The following KIAA1217 variants were observed in gnomAD, a reference collection of about 807,000 sequenced individuals.
KIAA1217 encodes KIAA1217.
In KIAA1217, 88 loss-of-function variants were observed where a neutral mutation model predicts 163.9. The observed-to-expected ratio is 0.54, with a 90% confidence interval of 0.45 to 0.64. The LOEUF (loss-of-function observed/expected upper bound fraction) is 0.64. Ranked by LOEUF, KIAA1217 falls within the 30% of genes least tolerant of loss-of-function variation. The pLI is 0.00. For synonymous variants in KIAA1217, 903 were observed against 923.1 expected (o/e 0.98, Z 0.39); for missense variants, 2,372 against 2,475.0 (o/e 0.96, Z 0.88).
intron 3 of KIAA1217, among the ~76,000 whole-genome samples, chr10:24,427,780 GAA>G (rs769588664): frequency 2.0e-5 from 3 of 152,220 alleles, no homozygotes; most frequent in Non-Finnish European, 4.4e-5. Context: ...AAAGCATGCG[GAA>G]TCTCTAGAAA....
chr10:24,423,704 C>T (rs749835482), intron 3 of KIAA1217, among the ~76,000 whole-genome samples: 4 of 152,090 alleles, frequency 2.6e-5, no homozygotes, highest in African/African-American at 4.8e-5. Context: ...GTGATCTGCC[C>T]ACCTCAGTTT....
At chr10:24,027,845 G>A (rs1848029733) in intron 2 of KIAA1217, among the ~76,000 whole-genome samples, 1 of 152,098 alleles carries the variant, frequency 6.6e-6, no homozygotes, top group African/African-American at 2.4e-5. Flanking sequence ...CAGAAATCAT[G>A]ATTTATAATG....
intron 14 of KIAA1217, among the ~76,000 whole-genome samples, chr10:24,529,567 C>T (rs1001555305): frequency 8.6e-5 from 13 of 152,034 alleles, no homozygotes; most frequent in African/African-American, 3.1e-4. Flanking sequence ...AGAGGACCAA[C>T]TGCACTTGTC....
chr10:24,099,129 T>C (rs775752884), intron 2 of KIAA1217, among the ~76,000 whole-genome samples: 26 of 152,156 alleles, frequency 1.7e-4, no homozygotes, highest in Non-Finnish European at 3.5e-4. Flanking sequence ...CAGGAAGAAG[T>C]TGGGAAGGCC....
chr10:24,270,519 A>G (rs1241554207), intron 2 of KIAA1217, among the ~76,000 whole-genome samples: 5 of 152,200 alleles, frequency 3.3e-5, no homozygotes, highest in Admixed American at 3.3e-4. Context: ...ACAGCAATCG[A>G]TTAAGCTATT....
At chr10:23,842,936 T>G (rs1838856665) in intron 1 of KIAA1217, among the ~76,000 whole-genome samples, 1 of 152,186 alleles carries the variant, frequency 6.6e-6, no homozygotes, top group Admixed American at 6.6e-5. Flanking sequence ...CAAGAAATGT[T>G]TATTTCTGAC....
intron 1 of KIAA1217, among the ~76,000 whole-genome samples, chr10:23,892,646 GCA>G (rs1379641763): frequency 6.6e-6 from 1 of 151,870 alleles, no homozygotes; most frequent in African/African-American, 2.4e-5. Context: ...TGGAAAATTT[GCA>G]CAGTGTAGCT....
intron 1 of KIAA1217, among the ~76,000 whole-genome samples, chr10:23,797,253 G>A (rs988954438): frequency 6.6e-6 from 1 of 152,126 alleles, no homozygotes; most frequent in African/African-American, 2.4e-5. Flanking sequence ...TGGTGATAGG[G>A]ATGTGCTTAT....
chr10:24,538,151 A>G (rs749549317), intron 17 of KIAA1217, among the ~76,000 whole-genome samples: 1 of 152,194 alleles, frequency 6.6e-6, no homozygotes, highest in Non-Finnish European at 1.5e-5. Context: ...TAGATGTAGT[A>G]TCACAAAACT....
chr10:24,014,946 C>T (rs867122696), intron 2 of KIAA1217, among the ~76,000 whole-genome samples: 5 of 151,428 alleles, frequency 3.3e-5, no homozygotes, highest in East Asian at 3.9e-4. Context: ...ATAATATCTT[C>T]GATCAAAAAT....
upstream of KIAA1217, among the ~76,000 whole-genome samples, chr10:24,208,596 T>G (rs2067700689): frequency 9.9e-6 from 1 of 101,264 alleles, no homozygotes; most frequent in Non-Finnish European, 2.0e-5. Context: ...ACTCTTTCTT[T>G]CAAATTGTTT....
At chr10:24,161,235 A>G (rs1478860868) in intron 2 of KIAA1217, among the ~76,000 whole-genome samples, 1 of 152,224 alleles carries the variant, frequency 6.6e-6, no homozygotes, top group Non-Finnish European at 1.5e-5. Context: ...CCTTCGCCAT[A>G]AAATGTTAAG....
At chr10:24,009,099 G>T (rs1847135684) in intron 2 of KIAA1217, among the ~76,000 whole-genome samples, 3 of 152,158 alleles carry the variant, frequency 2.0e-5, no homozygotes, top group Admixed American at 2.0e-4. Flanking sequence ...CCTGAATTGG[G>T]ATTGGAGGGC....
intron 9 of KIAA1217, among the ~76,000 whole-genome samples, chr10:24,503,940 G>T (rs1330002436): frequency 6.6e-6 from 1 of 152,216 alleles, no homozygotes; most frequent in Non-Finnish European, 1.5e-5. Flanking sequence ...GCATTTGTTG[G>T]TTTGGGGACA....
intron 1 of KIAA1217, among the ~76,000 whole-genome samples, chr10:23,696,810 T>C (rs1442882594): frequency 1.3e-5 from 2 of 152,226 alleles, no homozygotes; most frequent in East Asian, 3.8e-4. Context: ...CTGTCATTCA[T>C]CTTTGATTCC....
intron 2 of KIAA1217, among the ~76,000 whole-genome samples, chr10:24,170,311 C>T (rs2065567050): frequency 6.6e-6 from 1 of 152,206 alleles, no homozygotes; most frequent in Non-Finnish European, 1.5e-5. Context: ...GTGGGACTCC[C>T]AGGGGAAGCT....
intron 2 of KIAA1217, among the ~76,000 whole-genome samples, chr10:24,243,782 A>T (rs2073417030): frequency 6.6e-6 from 1 of 152,088 alleles, no homozygotes; most frequent in Admixed American, 6.6e-5. Context: ...ATATTCATAT[A>T]TATGAATATA....
At chr10:23,802,841 C>T (rs1836536549) in intron 1 of KIAA1217, among the ~76,000 whole-genome samples, 1 of 152,154 alleles carries the variant, frequency 6.6e-6, no homozygotes. Flanking sequence ...GGAGTAGATT[C>T]TGAGTAAGCA....
chr10:24,383,573 T>A (rs1028124213), intron 3 of KIAA1217, among the ~76,000 whole-genome samples: 17 of 152,222 alleles, frequency 1.1e-4, no homozygotes, highest in African/African-American at 4.1e-4. Context: ...GCCGGTGTGC[T>A]GTCACAGCAG....
Sources: allele counts gnomAD v4.1 joint callset (sites outside exome capture counted in the v4.1 genomes callset), GRCh38; gene constraint gnomAD v4.1.1; transcripts MANE v1.5; gene names NCBI Gene and HGNC (gene_info 2026-07-23, HGNC 2026-07-21).